Variants in RYR2 observed in about 807,000 individuals in gnomAD.
The protein encoded by RYR2 is cardiac muscle ryanodine receptor-calcium release channel.
Under a neutral mutation model 601.1 loss-of-function variants are expected in RYR2, and 227 were observed. That is an observed-to-expected ratio of 0.38 (90% CI 0.34 to 0.42). RYR2 has a LOEUF of 0.42. Among genes scored for constraint, RYR2 ranks in the 10% least tolerant of loss-of-function variants. The pLI, the probability that RYR2 is intolerant of heterozygous loss-of-function variation, is 1.00. For synonymous variants in RYR2, 2,223 were observed against 2,175.1 expected (o/e 1.02, Z -0.61); for missense variants, 4,646 against 6,156.5 (o/e 0.75, Z 8.21).
At chr1:237,166,208 T>C (rs1428363336) in intron 1 of RYR2, among the ~76,000 whole-genome samples, 3 of 152,188 alleles carry the variant, frequency 2.0e-5, no homozygotes, top group African/African-American at 7.2e-5. Flanking sequence ...CCAATGCCAG[T>C]CATCTGACTT....
intron 86 of RYR2, among the ~76,000 whole-genome samples, chr1:237,773,053 G>A (rs980800005): frequency 6.6e-6 from 1 of 152,102 alleles, no homozygotes; most frequent in East Asian, 1.9e-4. Context: ...TTTCCTCAGG[G>A]ACAGACACAA....
At chr1:237,415,374 C>G (rs1704870113) in intron 10 of RYR2, among the ~76,000 whole-genome samples, 1 of 152,116 alleles carries the variant, frequency 6.6e-6, no homozygotes. Context: ...AACTTACTAC[C>G]TAAAACTCTT....
rs1453908185 is a variant in RYR2, at chr1:237,832,685, C to G, written c.*38C>G. On this transcript the variant is annotated 3_prime_UTR_variant, in exon 105 of 105. Transcript: ENST00000366574. ...TCACCTCTAAAAACCAAAACCCTAC[C>G]CCTCTCTCTCCCTCTCTCAATTTCT... 1 of 1,068,706 alleles carries G rather than the reference C, an allele frequency of 9.4e-7. No individual in the cohort carries two copies. Among genetic ancestry groups the G allele is most frequent in the Non-Finnish European group, 1.4e-6 (1 of 702,296 alleles). 66.2% of individuals were successfully genotyped at this position (1,068,706 alleles called of 1,614,324 possible).
At chr1:237,662,836 G>A (rs1246819341) in intron 56 of RYR2, among the ~76,000 whole-genome samples, 1 of 152,222 alleles carries the variant, frequency 6.6e-6, no homozygotes, top group Non-Finnish European at 1.5e-5. Context: ...TATGAGATAA[G>A]AGGAAGGGCT....
At chr1:237,290,154 C>T (rs750066073) in intron 2 of RYR2, among the ~76,000 whole-genome samples, 4 of 152,134 alleles carry the variant, frequency 2.6e-5, no homozygotes, top group Non-Finnish European at 5.9e-5. Context: ...GTGTCATCAA[C>T]TGATAAAGGG....
At chr1:237,746,062 C>T (rs116772770) in intron 80 of RYR2, among the ~76,000 whole-genome samples, 1 of 151,914 alleles carries the variant, frequency 6.6e-6, no homozygotes, top group Non-Finnish European at 1.5e-5. Flanking sequence ...TAATTAATTC[C>T]CTATAAAGAT....
At chr1:237,121,509 A>G (rs1000553490) in intron 1 of RYR2, among the ~76,000 whole-genome samples, 1 of 152,204 alleles carries the variant, frequency 6.6e-6, no homozygotes, top group African/African-American at 2.4e-5. Context: ...GTAAACTCCA[A>G]ATCAGTTGGT....
intron 53 of RYR2, 90 bp from the exon 54 acceptor site, chr1:237,657,853 AT>A: frequency 1.5e-6 from 1 of 663,126 alleles, no homozygotes; most frequent in South Asian, 2.0e-5. Context: ...TGAATGAGAT[AT>A]AAGCATTCAT....
intron 87 of RYR2, among the ~76,000 whole-genome samples, chr1:237,777,529 C>T (rs1225245938): frequency 6.6e-6 from 1 of 152,144 alleles, no homozygotes; most frequent in Non-Finnish European, 1.5e-5. Flanking sequence ...ATTTTATGTA[C>T]TTTTTTCCTT....
At chr1:237,471,885 A>G (rs1394285856) in intron 17 of RYR2, among the ~76,000 whole-genome samples, 2 of 152,082 alleles carry the variant, frequency 1.3e-5, no homozygotes, top group Non-Finnish European at 2.9e-5. Context: ...TTAATCTAAC[A>G]TTCTTACTTT....
chr1:237,644,192 T>C (rs1681879368), intron 48 of RYR2, among the ~76,000 whole-genome samples: 1 of 152,184 alleles, frequency 6.6e-6, no homozygotes, highest in Admixed American at 6.5e-5. Flanking sequence ...TTAGAGATTT[T>C]AAAATCCCCT....
intron 79 of RYR2, among the ~76,000 whole-genome samples, chr1:237,739,771 C>T (rs138249692): frequency 4.6e-5 from 7 of 152,204 alleles, no homozygotes; most frequent in African/African-American, 1.7e-4. Flanking sequence ...ATTCCTTAGT[C>T]TTCTGCGGAG....
intron 1 of RYR2, among the ~76,000 whole-genome samples, chr1:237,152,767 TC>T (rs1674870377): frequency 6.6e-6 from 1 of 152,072 alleles, no homozygotes; most frequent in African/African-American, 2.4e-5. Context: ...TATGATGAAA[TC>T]ACCAAAAGCA....
rs2275288 is a variant in RYR2, at chr1:237,270,224, C to T, written c.49-273C>T. ...TTACTTTTATTTGTTCAGGTTGCCT[C>T]TGGGGATCAGTCAGTACAGTCAGAA... On this transcript the variant is annotated intron_variant, in intron 1 of 104. Transcript: ENST00000366574. 90,759 of 561,240 alleles carry T rather than the reference C, an allele frequency of 0.16. 10,185 individuals carry two copies. The highest frequency in any genetic ancestry group is 0.56 in the East Asian group (14,329 of 25,782). The allele number at this position is 561,240 out of a possible 1,614,324, so 34.8% of individuals were successfully genotyped here. A position where few individuals can be genotyped will look rare whatever the true frequency, so the allele number is the denominator to read the frequency against.
At chr1:237,787,721 T>A (rs1314669835) in intron 91 of RYR2, among the ~76,000 whole-genome samples, 3 of 151,890 alleles carry the variant, frequency 2.0e-5, no homozygotes, top group African/African-American at 7.3e-5. Context: ...TTGGAAGGAA[T>A]CTGCTATGCA....
rs1456999681 is a variant in RYR2 at position 237,670,128 on chromosome 1, A to C, written c.8590+2170A>C. On this transcript the variant is annotated intron_variant, in intron 58 of 104. Coordinates refer to ENST00000366574, the MANE Select transcript of RYR2 (RefSeq NM_001035.3). The stretch of plus-strand genomic sequence containing the variant: ...ACAGCGAAACCCCGTCTCCACCAAA[A>C]AAATACGAAAACCAGTCAGGCGTGG... 3.3e-5 allele frequency among the ~76,000 whole-genome samples: 5 copies of C among 152,130 alleles called. No individual in the cohort carries two copies. The East Asian group carries it at 9.7e-4, about 30-fold the overall frequency.
chr1:237,408,610 T>A (rs4659790), intron 10 of RYR2, among the ~76,000 whole-genome samples: 15,790 of 152,092 alleles, frequency 0.1, 1,116 homozygotes, highest in East Asian at 0.28. Flanking sequence ...AATCAGATAG[T>A]GTCAGTCTCC....
intron 100 of RYR2, among the ~76,000 whole-genome samples, chr1:237,811,679 G>T (rs1661269527): frequency 6.6e-6 from 1 of 152,156 alleles, no homozygotes; most frequent in South Asian, 2.1e-4. Context: ...CTTCAAAAAG[G>T]GATGCTTTTG....
intron 58 of RYR2, among the ~76,000 whole-genome samples, chr1:237,670,210 G>C (rs1684792723): frequency 6.6e-6 from 1 of 151,512 alleles, no homozygotes; most frequent in African/African-American, 2.4e-5. Context: ...AATCAGGCAG[G>C]GAGGTTGCAG....
Sources: gnomAD v4.1 joint callset for allele counts (sites outside exome capture counted in the v4.1 genomes callset) on GRCh38, gnomAD v4.1.1 for gene constraint, MANE v1.5 for transcripts, NCBI Gene and HGNC (gene_info 2026-07-23, HGNC 2026-07-21) for gene names.